SPOCK3: variants seen among roughly 807,000 people sequenced by gnomAD.
The protein encoded by SPOCK3 is testican-3.
Under a neutral mutation model 56.6 loss-of-function variants are expected in SPOCK3, and 30 were observed. The ratio of observed to expected loss-of-function variants is 0.53; its 90% confidence interval spans 0.40 to 0.72. The LOEUF (loss-of-function observed/expected upper bound fraction) is 0.72. Ranked by LOEUF, SPOCK3 falls within the 30% of genes least tolerant of loss-of-function variation. The pLI is 0.00. For missense variants in SPOCK3, 527 were observed against 530.0 expected, an observed-to-expected ratio of 0.99 and a Z score of 0.06; for synonymous variants, 196 against 183.3, an observed-to-expected ratio of 1.07 and a Z score of -0.56.
chr4:166,815,209 C>T (rs1744258094), intron 6 of SPOCK3, among the ~76,000 whole-genome samples: 1 of 151,798 alleles, frequency 6.6e-6, no homozygotes, highest in South Asian at 2.1e-4. Flanking sequence ...GAAACCCTTT[C>T]TGTATTTGGG....
intron 2 of SPOCK3, among the ~76,000 whole-genome samples, chr4:167,120,147 G>A (rs558094682): frequency 3.2e-4 from 48 of 152,170 alleles, no homozygotes; most frequent in Non-Finnish European, 5.7e-4. Context: ...CAATAATTAT[G>A]TGGTTGACGA....
chr4:166,966,915 C>T (rs1454460975), intron 4 of SPOCK3, among the ~76,000 whole-genome samples: 1 of 152,024 alleles, frequency 6.6e-6, no homozygotes. Context: ...TCATGAGCCC[C>T]ATAGATTCCA....
chr4:167,067,961 T>C (rs944563575), intron 2 of SPOCK3, among the ~76,000 whole-genome samples: 2 of 151,846 alleles, frequency 1.3e-5, no homozygotes, highest in African/African-American at 4.8e-5. Flanking sequence ...GTTTAAAATG[T>C]TTAAAATGTC....
chr4:166,951,825 C>T (rs973369704), intron 4 of SPOCK3, among the ~76,000 whole-genome samples: 7 of 151,798 alleles, frequency 4.6e-5, no homozygotes, highest in African/African-American at 1.7e-4. Context: ...GAACCAAAGA[C>T]AAAAACCACA....
In SPOCK3 at chr4:167,205,353, T is replaced by TATATTTTATATATATA. The variant is rs1561321562; in HGVS notation, c.189+28631_189+28632insTATATATATAAAATAT. 6.2e-3 allele frequency among the ~76,000 whole-genome samples: 219 copies of TATATTTTATATATATA among 35,488 alleles called. 22 individuals are homozygous for TATATTTTATATATATA. The highest frequency in any genetic ancestry group is 0.03 in the African/African-American group (209 of 6,942). The allele number at this position is 35,488 out of a possible 152,430, so 23.3% of individuals were successfully genotyped here. Reference sequence around the variant, plus strand: ...TATATATTATATATTATATATATAATATATATATTATATATTTTATATATA... The same window carrying TATATTTTATATATATA: ...TATATATTATATATTATATATATAATATATTTTATATATATAATATATATTATATATTTTATATATA... On this transcript the variant is annotated intron_variant, in intron 2 of 10. Transcript: ENST00000357545.
intron 2 of SPOCK3, among the ~76,000 whole-genome samples, chr4:167,169,456 C>A (rs1730303894): frequency 6.6e-6 from 1 of 152,158 alleles, no homozygotes; most frequent in Non-Finnish European, 1.5e-5. Flanking sequence ...ATCGACTGCC[C>A]TGTTGGATTT....
intron 3 of SPOCK3, among the ~76,000 whole-genome samples, chr4:167,010,024 T>G (rs1749872380): frequency 6.6e-6 from 1 of 152,044 alleles, no homozygotes; most frequent in Admixed American, 6.6e-5. Flanking sequence ...TTATTAAAAT[T>G]TAACTACCAA....
Position 166,737,474 on chromosome 4 carries a change from T to G in SPOCK3, c.1125A>C (p.Ala375=), listed in dbSNP as rs1734330484. The change falls in exon 10 of 11, where the codon GCA becomes GCC. Residue 375 remains alanine, a synonymous_variant. Coordinates refer to ENST00000357545, the MANE Select transcript of SPOCK3 (RefSeq NM_001040159.2). ...AGTAACCCTTCTCCTTACCACAATCTGCAACACCATTTATTCTGGATCCCA... is the reference window on the plus strand; with the variant it reads ...AGTAACCCTTCTCCTTACCACAATCGGCAACACCATTTATTCTGGATCCCA... The part of the protein sequence containing the change: ...EVMGSRINGV[A]DCAIDFEISG... 6.2e-7 allele frequency: 1 copy of G among 1,612,814 alleles called. No individual in the cohort carries two copies. The highest frequency in any genetic ancestry group is 8.5e-7 in the Non-Finnish European group (1 of 1,179,370).
At chr4:167,011,698 C>T (rs1307311536) in intron 3 of SPOCK3, among the ~76,000 whole-genome samples, 1 of 152,038 alleles carries the variant, frequency 6.6e-6, no homozygotes, top group African/African-American at 2.4e-5. Flanking sequence ...GCCATATAAA[C>T]ATCAACTCAT....
chr4:167,101,141 C>G (rs1258395918), intron 2 of SPOCK3, among the ~76,000 whole-genome samples: 3 of 152,002 alleles, frequency 2.0e-5, no homozygotes, highest in Non-Finnish European at 4.4e-5. Context: ...TGGCTGTTTT[C>G]TTTATTACAT....
At chr4:166,846,585 C>G (rs924057211) in intron 6 of SPOCK3, among the ~76,000 whole-genome samples, 2 of 151,996 alleles carry the variant, frequency 1.3e-5, no homozygotes, top group African/African-American at 4.8e-5. Flanking sequence ...TTTTGTCAGA[C>G]AGTTGGTAAA....
At chr4:166,847,624 C>T (rs1428385978) in intron 6 of SPOCK3, among the ~76,000 whole-genome samples, 1 of 109,204 alleles carries the variant, frequency 9.2e-6, no homozygotes, top group Non-Finnish European at 1.9e-5. Flanking sequence ...AATTAAGCCA[C>T]AATTCAAAAG....
At chr4:167,173,472 C>T (rs932986598) in intron 2 of SPOCK3, among the ~76,000 whole-genome samples, 1 of 152,088 alleles carries the variant, frequency 6.6e-6, no homozygotes, top group Non-Finnish European at 1.5e-5. Flanking sequence ...CTATATCTAT[C>T]TAACCAGTGC....
chr4:166,921,742 A>G (rs1462907421), intron 4 of SPOCK3, among the ~76,000 whole-genome samples: 2 of 152,222 alleles, frequency 1.3e-5, no homozygotes, highest in Non-Finnish European at 2.9e-5. Flanking sequence ...GCCTTTCAAA[A>G]ACAGTTTTAT....
chr4:167,059,202 G>A (rs1268009684), intron 3 of SPOCK3, among the ~76,000 whole-genome samples: 2 of 152,086 alleles, frequency 1.3e-5, no homozygotes, highest in African/African-American at 4.8e-5. Context: ...ACTACCATCA[G>A]AGTGAACAGG....
chr4:167,050,467 A>G (rs1351659155), intron 3 of SPOCK3, among the ~76,000 whole-genome samples: 1 of 152,174 alleles, frequency 6.6e-6, no homozygotes, highest in Admixed American at 6.6e-5. Flanking sequence ...ATATAAAAGC[A>G]TGCAGTTGCT....
At chr4:167,123,180 T>C (rs1172794895) in intron 2 of SPOCK3, among the ~76,000 whole-genome samples, 1 of 152,066 alleles carries the variant, frequency 6.6e-6, no homozygotes, top group Non-Finnish European at 1.5e-5. Context: ...TTGAATAATG[T>C]TTAAAGTGAT....
chr4:167,185,931 T>A (rs763525782), intron 2 of SPOCK3, among the ~76,000 whole-genome samples: 58 of 152,212 alleles, frequency 3.8e-4, no homozygotes, highest in African/African-American at 1.4e-3. Flanking sequence ...GACAGTAAAA[T>A]GCTTTGTACT....
At chr4:167,226,580 T>G (rs1306503825) in intron 2 of SPOCK3, among the ~76,000 whole-genome samples, 1 of 152,162 alleles carries the variant, frequency 6.6e-6, no homozygotes, top group Non-Finnish European at 1.5e-5. Context: ...TATCGCTTGC[T>G]TTCTTTTAGT....
Sources: gnomAD v4.1 joint callset for allele counts (sites outside exome capture counted in the v4.1 genomes callset) on GRCh38, gnomAD v4.1.1 for gene constraint, MANE v1.5 for transcripts, NCBI Gene and HGNC (gene_info 2026-07-23, HGNC 2026-07-21) for gene names.